The following HSDL2 variants were observed in gnomAD, a reference collection of about 807,000 sequenced individuals.
HSDL2 encodes hydroxysteroid dehydrogenase-like protein 2.
A neutral mutation model predicts 46.3 loss-of-function variants in HSDL2; 27 were observed. The ratio of observed to expected loss-of-function variants is 0.58; its 90% CI spans 0.43 to 0.80. HSDL2 has a LOEUF of 0.80. Among genes scored for constraint, HSDL2 ranks in the 30% least tolerant of loss-of-function variants. The pLI, the probability that HSDL2 is intolerant of heterozygous loss-of-function variation, is 0.00. For synonymous variants in HSDL2, 153 were observed against 163.6 expected (o/e 0.94, Z 0.50); for missense variants, 451 against 502.7 (o/e 0.90, Z 0.98).
At position 112,454,003 on chromosome 9, in the gene HSDL2, T is replaced by TA; in HGVS notation, c.866-9dup. 6.2e-7 allele frequency: 1 copy of TA among 1,610,108 alleles called. No individual in the cohort carries two copies. The highest frequency in any genetic ancestry group is 2.2e-5 in the East Asian group (1 of 44,844). ...GCATTAAGGTCATTTGCTTCAATAA[T>TA]ATCTTATAGGTGCTGTTCCAGAATT... On this transcript the variant is annotated splice_polypyrimidine_tract_variant and intron_variant, in intron 8 of 10. Coordinates refer to ENST00000398805, the MANE Select transcript of HSDL2 (RefSeq NM_032303.5).
intron 9 of HSDL2, among the ~76,000 whole-genome samples, chr9:112,455,621 A>G (rs1458531674): frequency 1.3e-5 from 2 of 152,216 alleles, no homozygotes; most frequent in African/African-American, 4.8e-5. Flanking sequence ...GCCCCGCTTC[A>G]GCTGAGGTTT....
chr9:112,460,708 C>G (rs184119323), intron 10 of HSDL2, among the ~76,000 whole-genome samples: 1 of 150,910 alleles, frequency 6.6e-6, no homozygotes, highest in East Asian at 1.9e-4. Flanking sequence ...ATAACACCAC[C>G]GCACTCCAGC....
intron 1 of HSDL2, among the ~76,000 whole-genome samples, chr9:112,385,810 G>C (rs921061655): frequency 7.2e-5 from 11 of 151,750 alleles, no homozygotes; most frequent in African/African-American, 2.4e-4. Flanking sequence ...GTATTTTTTA[G>C]TAGAGACGGG....
At chr9:112,423,780 A>G (rs1312154756) in intron 6 of HSDL2, among the ~76,000 whole-genome samples, 3 of 151,198 alleles carry the variant, frequency 2.0e-5, no homozygotes, top group Non-Finnish European at 4.4e-5. Flanking sequence ...CAGTGGCACA[A>G]TTAGCTCACT....
intron 9 of HSDL2, among the ~76,000 whole-genome samples, chr9:112,456,549 A>C (rs1312951867): frequency 1.3e-5 from 2 of 151,880 alleles, no homozygotes; most frequent in East Asian, 3.9e-4. Context: ...TCCTTCCCTT[A>C]AGCAATGTTC....
At chr9:112,386,132 C>A (rs1357742785) in intron 1 of HSDL2, among the ~76,000 whole-genome samples, 1 of 152,046 alleles carries the variant, frequency 6.6e-6, no homozygotes, top group African/African-American at 2.4e-5. Context: ...GTTGCCCAGG[C>A]TGGTTTGTAA....
intron 1 of HSDL2, among the ~76,000 whole-genome samples, chr9:112,399,882 A>C (rs1344748448): frequency 1.3e-5 from 2 of 152,218 alleles, no homozygotes; most frequent in Non-Finnish European, 2.9e-5. Context: ...CATGTTTTAC[A>C]ATCAGTTTGT....
intron 10 of HSDL2, 26 bp downstream of exon 10, chr9:112,459,603 C>T (rs1357649094): frequency 1.3e-6 from 2 of 1,598,270 alleles, no homozygotes; most frequent in South Asian, 1.1e-5. Context: ...TATTAGTTTA[C>T]CTTATTGTTC....
intron 4 of HSDL2, among the ~76,000 whole-genome samples, chr9:112,410,073 T>A (rs1831825843): frequency 6.6e-6 from 1 of 152,000 alleles, no homozygotes; most frequent in Non-Finnish European, 1.5e-5. Flanking sequence ...GTAAGGTCAT[T>A]CTCATTATGA....
intron 7 of HSDL2, 48 bp from the exon 8 acceptor site, chr9:112,441,651 A>G (rs1832639807): frequency 8.3e-7 from 1 of 1,202,230 alleles, no homozygotes; most frequent in East Asian, 2.3e-5. Context: ...TTAAAATCTT[A>G]CTATGTTGTA....
chr9:112,427,216 G>A (rs1269246602), intron 6 of HSDL2, among the ~76,000 whole-genome samples: 2 of 152,060 alleles, frequency 1.3e-5, no homozygotes, highest in African/African-American at 4.8e-5. Flanking sequence ...CGCTGTGCCC[G>A]GCTAATTTTT....
intron 8 of HSDL2, among the ~76,000 whole-genome samples, chr9:112,444,624 G>A (rs1832708541): frequency 6.6e-6 from 1 of 152,032 alleles, no homozygotes; most frequent in Non-Finnish European, 1.5e-5. Flanking sequence ...TGTAGTCCCA[G>A]CTACTTGGGA....
chr9:112,430,327 T>C (rs1832358301), intron 6 of HSDL2, among the ~76,000 whole-genome samples: 1 of 152,092 alleles, frequency 6.6e-6, no homozygotes, highest in Non-Finnish European at 1.5e-5. Context: ...ATGGCTGGCA[T>C]GATGCAAGAG....
intron 9 of HSDL2, among the ~76,000 whole-genome samples, chr9:112,458,972 C>T (rs1432073228): frequency 3.4e-5 from 5 of 148,300 alleles, no homozygotes; most frequent in Non-Finnish European, 5.9e-5. Context: ...CAGAGCTAGA[C>T]TCCATCTCCA....
At chr9:112,421,066 G>A (rs995256432) in intron 6 of HSDL2, among the ~76,000 whole-genome samples, 2 of 152,076 alleles carry the variant, frequency 1.3e-5, no homozygotes, top group East Asian at 1.9e-4. Flanking sequence ...GCAGTGGCTC[G>A]TGCTTGTAAT....
In HSDL2 at chr9:112,418,962, T is replaced by A; in HGVS notation, c.598+4T>A. ...AATGCATTATGGCCTAAAACAGGTATGTATTTTTAAAAACTTCATTTGTTA... is the reference window on the plus strand; with the variant it reads ...AATGCATTATGGCCTAAAACAGGTAAGTATTTTTAAAAACTTCATTTGTTA... On this transcript the variant is annotated splice_donor_region_variant and intron_variant, in intron 6 of 10. Coordinates refer to ENST00000398805, the MANE Select transcript of HSDL2 (RefSeq NM_032303.5). The A allele has an allele frequency of 2.0e-6, 3 of 1,517,618 alleles. No homozygotes were observed. The highest frequency in any genetic ancestry group is 2.7e-6 in the Non-Finnish European group (3 of 1,098,488). 94.0% of individuals were successfully genotyped at this position (1,517,618 alleles called of 1,614,324 possible).
chr9:112,381,592 G>C (rs1346219443), intron 1 of HSDL2, among the ~76,000 whole-genome samples: 1 of 152,130 alleles, frequency 6.6e-6, no homozygotes. Flanking sequence ...ATGACCTCGT[G>C]ATCCGTCTGC....
At position 112,470,515 on chromosome 9, in the gene HSDL2, C is replaced by G. The variant is rs144039438; in HGVS notation, c.1228C>G (p.Leu410Val). The change falls in exon 11 of 11, where the codon CTA (leucine) becomes GTA (valine). Residue 410 changes from leucine to valine, a missense_variant. Leu to Val is a conservative substitution (Grantham distance 32). Transcript: ENST00000398805. Reference protein sequence around the residue: ...NMALAIKLEKLMNQMNARL With the variant: ...NMALAIKLEKVMNQMNARL ...GGCCCTAGCAATCAAATTGGAGAAG[C>G]TAATGAATCAGATGAATGCCAGACT... The G allele has an allele frequency of 3.7e-6, 6 of 1,606,288 alleles. No individual in the cohort carries two copies. Among genetic ancestry groups the G allele is most frequent in the Admixed American group, 1.7e-5 (1 of 59,794 alleles).
At chr9:112,427,637 C>T (rs1281860725) in intron 6 of HSDL2, among the ~76,000 whole-genome samples, 1 of 152,138 alleles carries the variant, frequency 6.6e-6, no homozygotes, top group Non-Finnish European at 1.5e-5. Context: ...AAAGCAGTTA[C>T]ACTCATTTTT....
Sources: gnomAD v4.1 joint callset for allele counts (sites outside exome capture counted in the v4.1 genomes callset) on GRCh38, gnomAD v4.1.1 for gene constraint, MANE v1.5 for transcripts, NCBI Gene and HGNC (gene_info 2026-07-23, HGNC 2026-07-21) for gene names.